AGBL4: variants seen among roughly 807,000 people sequenced by gnomAD.
The protein encoded by AGBL4 is AGBL carboxypeptidase 4.
In AGBL4, 58 loss-of-function variants were observed where a neutral mutation model predicts 66.4. The observed-to-expected ratio is 0.87, with a 90% CI of 0.71 to 1.09. The LOEUF (loss-of-function observed/expected upper bound fraction) is 1.09. AGBL4 is among the 50% of genes least tolerant of loss of function. The probability of loss-of-function intolerance (pLI) is 0.00; values close to 1 mark genes in which losing one functional copy is unlikely to be tolerated. For missense variants in AGBL4, 579 were observed against 631.0 expected (o/e 0.92, Z 0.88); for synonymous variants, 234 against 222.9 (o/e 1.05, Z -0.44).
chr1:49,805,773 G>A (rs1187028799), intron 2 of AGBL4, among the ~76,000 whole-genome samples: 1 of 152,152 alleles, frequency 6.6e-6, no homozygotes, highest in Non-Finnish European at 1.5e-5. Context: ...TGGCCTCAGA[G>A]AGCTGCCTTA....
At chr1:49,824,195 C>G (rs1645446939) in intron 2 of AGBL4, among the ~76,000 whole-genome samples, 2 of 151,992 alleles carry the variant, frequency 1.3e-5, no homozygotes, top group Non-Finnish European at 2.9e-5. Flanking sequence ...GCAACAAGAG[C>G]AAAACTCCGT....
chr1:49,869,346 A>G (rs1311131440), intron 1 of AGBL4, among the ~76,000 whole-genome samples: 1 of 152,174 alleles, frequency 6.6e-6, no homozygotes, highest in Admixed American at 6.5e-5. Flanking sequence ...AATCAACCCA[A>G]ATGCCCATCA....
rs540300245 is a variant in AGBL4 at position 48,588,388 on chromosome 1, C to A, written c.1105-1222G>T. Among the ~76,000 whole-genome samples, 6 of 152,290 alleles carry A rather than the reference C, an allele frequency of 3.9e-5. No homozygotes were observed. In the East Asian group the frequency reaches 9.7e-4, roughly 25 times the overall value. On this transcript the variant is annotated intron_variant, in intron 10 of 13. Transcript: ENST00000371839. ...TACCCACTGAGTACATGATGTCAGG[C>A]AAGTTGACTTACTTGTCTTAGTCTC... is the stretch of plus-strand genomic sequence containing the variant.
intron 3 of AGBL4, among the ~76,000 whole-genome samples, chr1:49,461,867 C>G (rs775511354): frequency 6.6e-6 from 1 of 151,726 alleles, no homozygotes; most frequent in Non-Finnish European, 1.5e-5. Context: ...TCCAGTCTAT[C>G]ATTGATGGGC....
intron 5 of AGBL4, among the ~76,000 whole-genome samples, chr1:48,913,025 G>A (rs908411044): frequency 6.6e-6 from 1 of 152,044 alleles, no homozygotes; most frequent in Non-Finnish European, 1.5e-5. Flanking sequence ...AGATCCAGAG[G>A]GAAAAGAAAG....
intron 5 of AGBL4, among the ~76,000 whole-genome samples, chr1:48,972,271 G>A (rs1658969768): frequency 6.6e-6 from 1 of 152,044 alleles, no homozygotes; most frequent in Non-Finnish European, 1.5e-5. Flanking sequence ...TGGGGGATAT[G>A]GACTTAGTCC....
intron 11 of AGBL4, among the ~76,000 whole-genome samples, chr1:48,579,596 C>T (rs895530041): frequency 6.0e-5 from 9 of 151,080 alleles, no homozygotes; most frequent in Admixed American, 1.3e-4. Flanking sequence ...TCCTCTACCC[C>T]GTATCCAAAT....
chr1:49,434,656 TGTG>T (rs1044832866), intron 3 of AGBL4, among the ~76,000 whole-genome samples: 4 of 150,966 alleles, frequency 2.6e-5, no homozygotes, highest in East Asian at 1.9e-4. Flanking sequence ...TATCTGTTCT[TGTG>T]GTGGTGGTGG....
chr1:49,346,424 G>A (rs1254125268), intron 3 of AGBL4, among the ~76,000 whole-genome samples: 1 of 152,112 alleles, frequency 6.6e-6, no homozygotes, highest in Non-Finnish European at 1.5e-5. Flanking sequence ...ACGTCAGCTT[G>A]GTTCCAACAA....
At chr1:49,717,039 GC>G (rs1222973047) in intron 2 of AGBL4, among the ~76,000 whole-genome samples, 4 of 152,050 alleles carry the variant, frequency 2.6e-5, no homozygotes, top group Non-Finnish European at 4.4e-5. Flanking sequence ...CATCGTCTCA[GC>G]CCAAAATCTC....
intron 3 of AGBL4, among the ~76,000 whole-genome samples, chr1:49,693,534 TAA>T (rs1646928124): frequency 6.6e-6 from 1 of 152,010 alleles, no homozygotes; most frequent in South Asian, 2.1e-4. Context: ...AGAAAATAAA[TAA>T]GTTTAGAAAT....
intron 3 of AGBL4, among the ~76,000 whole-genome samples, chr1:49,323,286 GTTT>G (rs1260880672): frequency 1.3e-5 from 2 of 151,522 alleles, no homozygotes; most frequent in Non-Finnish European, 2.9e-5. Flanking sequence ...TTTTGTTTTT[GTTT>G]TTTTATTTTG....
chr1:49,815,918 T>C (rs74342557), intron 2 of AGBL4, among the ~76,000 whole-genome samples: 5 of 151,736 alleles, frequency 3.3e-5, no homozygotes, highest in African/African-American at 9.7e-5. Flanking sequence ...CAGTGGGAGG[T>C]CTTACTCTGT....
rs182261660 is a variant in AGBL4, at chr1:48,546,065, T to C, written c.1268-6327A>G. 2.6e-5 allele frequency among the ~76,000 whole-genome samples: 4 copies of C among 152,312 alleles called. No homozygotes were observed. In the East Asian group the frequency reaches 7.7e-4, roughly 29 times the overall value. On this transcript the variant is annotated intron_variant, in intron 11 of 13. Transcript: ENST00000371839. ...GTTAACTATATTACCTGGGAGGCTG[T>C]TGCACTGTCATCTTCACAAAAGCAG...
At chr1:48,887,715 C>A (rs1650510800) in intron 5 of AGBL4, among the ~76,000 whole-genome samples, 1 of 152,150 alleles carries the variant, frequency 6.6e-6, no homozygotes, top group Admixed American at 6.5e-5. Flanking sequence ...AGCAAGCAGG[C>A]CAAAGCCACA....
intron 5 of AGBL4, among the ~76,000 whole-genome samples, chr1:49,033,485 A>G (rs947506937): frequency 1.3e-5 from 2 of 152,132 alleles, no homozygotes; most frequent in Non-Finnish European, 2.9e-5. Flanking sequence ...GAACAGAAGG[A>G]GACTAGCTTA....
intron 2 of AGBL4, among the ~76,000 whole-genome samples, chr1:49,829,611 A>G (rs958061421): frequency 2.0e-5 from 3 of 152,194 alleles, no homozygotes; most frequent in African/African-American, 7.2e-5. Flanking sequence ...CATCTCACAC[A>G]TAATTAAATC....
intron 4 of AGBL4, among the ~76,000 whole-genome samples, chr1:49,114,325 T>C (rs973601774): frequency 2.0e-5 from 3 of 152,198 alleles, no homozygotes; most frequent in African/African-American, 4.8e-5. Context: ...AAACTTTTCT[T>C]CTGCACCTTC....
chr1:49,785,558 T>C (rs1435809385), intron 2 of AGBL4, among the ~76,000 whole-genome samples: 2 of 152,014 alleles, frequency 1.3e-5, no homozygotes, highest in Non-Finnish European at 2.9e-5. Context: ...TCCACAACTA[T>C]GGTATTAATA....
Sources: allele counts gnomAD v4.1 joint callset (sites outside exome capture counted in the v4.1 genomes callset), GRCh38; gene constraint gnomAD v4.1.1; transcripts MANE v1.5; gene names NCBI Gene and HGNC (gene_info 2026-07-23, HGNC 2026-07-21).